Variants in MYBL1 observed in about 807,000 individuals in gnomAD.
MYBL1 encodes MYB proto-oncogene like 1.
Under a neutral mutation model 96.3 loss-of-function variants are expected in MYBL1, and 17 were observed. The observed-to-expected ratio is 0.18, with a 90% CI of 0.12 to 0.26. The LOEUF (loss-of-function observed/expected upper bound fraction) is 0.26. Ranked by LOEUF, MYBL1 falls within the 10% of genes least tolerant of loss-of-function variation. MYBL1 has a pLI of 1.00. For synonymous variants in MYBL1, 282 were observed against 292.7 expected, an observed-to-expected ratio of 0.96 and a Z score of 0.37; for missense variants, 701 against 882.9, an observed-to-expected ratio of 0.79 and a Z score of 2.61.
At chr8:66,594,886 C>G (rs1809790329) in intron 6 of MYBL1, among the ~76,000 whole-genome samples, 1 of 152,082 alleles carries the variant, frequency 6.6e-6, no homozygotes, top group South Asian at 2.1e-4. Flanking sequence ...CTACTAAGTC[C>G]TGACTTAATC....
intron 1 of MYBL1, 93 bp downstream of exon 1, chr8:66,612,726 G>T: frequency 7.8e-7 from 1 of 1,289,282 alleles, no homozygotes; most frequent in Non-Finnish European, 1.0e-6. Flanking sequence ...CCTCGCCAGG[G>T]AGGGCCTTAT....
rs1808417093 is a variant in MYBL1, at chr8:66,564,217, T to C, written c.*480A>G. The C allele has an allele frequency of 6.6e-6, 1 of 152,428 alleles. No homozygotes were observed. The highest frequency in any genetic ancestry group is 2.1e-4 in the South Asian group (1 of 4,824). 9.4% of individuals were successfully genotyped at this position (152,428 alleles called of 1,614,324 possible). A position where few individuals can be genotyped will look rare whatever the true frequency, so the allele number is the denominator to read the frequency against. ...AGTAGTGCAACTTTCTATCCTTCCT[T>C]TAAATTCCTTTTCAATGTGTTTCTT... On this transcript the variant is annotated 3_prime_UTR_variant, in exon 16 of 16. Transcript: ENST00000522677.
intron 15 of MYBL1, 174 bp from the exon 16 acceptor site, chr8:66,564,999 C>G: frequency 2.7e-6 from 1 of 375,258 alleles, no homozygotes. Context: ...AAAATATATA[C>G]TGAAATATTT....
intron 9 of MYBL1, 59 bp from the exon 10 acceptor site, chr8:66,576,434 G>C: frequency 6.7e-7 from 1 of 1,496,800 alleles, no homozygotes; most frequent in Non-Finnish European, 9.0e-7. Flanking sequence ...ATCTGCTCTT[G>C]AACACAGGAT....
intron 8 of MYBL1, among the ~76,000 whole-genome samples, chr8:66,582,958 A>G (rs1434534436): frequency 6.6e-6 from 1 of 152,196 alleles, no homozygotes; most frequent in Non-Finnish European, 1.5e-5. Context: ...AAATCAACAA[A>G]GAAACAAACA....
intron 1 of MYBL1, chr8:66,612,545 G>A: frequency 2.5e-6 from 1 of 393,962 alleles, no homozygotes; most frequent in Middle Eastern, 6.4e-4. Context: ...AGAAGTGGCA[G>A]CATGAGGTCA....
rs1586573045 is a variant in MYBL1, at chr8:66,584,162, A to G, written c.868-3796T>C. On this transcript the variant is annotated intron_variant, in intron 8 of 15. Coordinates refer to ENST00000522677, the MANE Select transcript of MYBL1 (RefSeq NM_001080416.4). Reference sequence around the variant, plus strand: ...ATTATCTCAATAGACATGAAAAATCATTTGATAAAATCAACATCCCTTCAC... The same window carrying G: ...ATTATCTCAATAGACATGAAAAATCGTTTGATAAAATCAACATCCCTTCAC... Among the ~76,000 whole-genome samples, 4 of 152,374 alleles carry G rather than the reference A, an allele frequency of 2.6e-5. No individual in the cohort carries two copies. The South Asian group carries it at 8.3e-4, about 32-fold the overall frequency.
chr8:66,594,335 C>A (rs1446207548), intron 6 of MYBL1, among the ~76,000 whole-genome samples: 4 of 152,032 alleles, frequency 2.6e-5, no homozygotes, highest in African/African-American at 9.7e-5. Flanking sequence ...GTATCTTTCC[C>A]AAACTTTTCA....
chr8:66,568,842 T>C (rs987295917), intron 12 of MYBL1, among the ~76,000 whole-genome samples: 7 of 151,322 alleles, frequency 4.6e-5, no homozygotes, highest in Admixed American at 3.3e-4. Flanking sequence ...CTGGCTAACA[T>C]GGTGAAACCC....
Position 66,595,825 on chromosome 8 carries a change from G to A in MYBL1, c.513-68C>T, listed in dbSNP as rs907320001. On this transcript the variant is annotated intron_variant, in intron 5 of 15. Transcript: ENST00000522677. ...ACAGATTTCAACACTGTGTTAACTT[G>A]TACAAAGTGCTTAAAACAAATTTTT... 2.8e-6 allele frequency: 3 copies of A among 1,063,714 alleles called. No homozygotes were observed. The African/African-American group carries it at 5.0e-5, about 18-fold the overall frequency. 65.9% of individuals were successfully genotyped at this position (1,063,714 alleles called of 1,614,324 possible).
At chr8:66,570,415 A>G (rs1808682802) in intron 12 of MYBL1, among the ~76,000 whole-genome samples, 1 of 151,540 alleles carries the variant, frequency 6.6e-6, no homozygotes, top group South Asian at 2.1e-4. Flanking sequence ...GCTCAAACAA[A>G]CCTCCTAGGA....
intron 1 of MYBL1, among the ~76,000 whole-genome samples, chr8:66,606,886 G>A (rs375224154): frequency 3.9e-5 from 6 of 152,008 alleles, no homozygotes; most frequent in African/African-American, 1.2e-4. Context: ...CACCTCCCTG[G>A]TTCAAGCAAT....
chr8:66,606,967 T>C (rs189134620), intron 1 of MYBL1, among the ~76,000 whole-genome samples: 1 of 152,190 alleles, frequency 6.6e-6, no homozygotes, highest in East Asian at 1.9e-4. Context: ...ATTTTTGAAT[T>C]TTTTTCGTAG....
At chr8:66,591,850 T>C (rs1809657885) in intron 8 of MYBL1, among the ~76,000 whole-genome samples, 1 of 152,098 alleles carries the variant, frequency 6.6e-6, no homozygotes, top group Non-Finnish European at 1.5e-5. Flanking sequence ...TATGTGTGTA[T>C]ATTTATATAT....
At chr8:66,592,971 C>T in intron 7 of MYBL1, 149 bp downstream of exon 7, 2 of 539,054 alleles carry the variant, frequency 3.7e-6, no homozygotes, top group Non-Finnish European at 6.6e-6. Flanking sequence ...CTCACTTACA[C>T]ACTTTCTTCT....
chr8:66,581,919 A>G (rs997244321), intron 8 of MYBL1, among the ~76,000 whole-genome samples: 1 of 152,224 alleles, frequency 6.6e-6, no homozygotes, highest in African/African-American at 2.4e-5. Context: ...GTGGGAATTC[A>G]TCACCACTAG....
chr8:66,566,014 CATTGACTAAACAAAAACAAAA>C, intron 15 of MYBL1, 29 bp downstream of exon 15: 9 of 1,246,406 alleles, frequency 7.2e-6, no homozygotes, highest in Non-Finnish European at 9.9e-6. Context: ...CCAAAGTGAT[CATTGACTAAACAAAAACAAAA>C]ATCACTAAAG....
chr8:66,607,456 A>G (rs542025273), intron 1 of MYBL1, among the ~76,000 whole-genome samples: 2 of 152,320 alleles, frequency 1.3e-5, no homozygotes, highest in East Asian at 3.9e-4. Flanking sequence ...GGACTAACTA[A>G]GCACAGTACC....
intron 3 of MYBL1, among the ~76,000 whole-genome samples, chr8:66,601,177 CAAAAA>C (rs1167336780): frequency 1.4e-4 from 2 of 13,900 alleles, no homozygotes; most frequent in Admixed American, 7.8e-4. Flanking sequence ...AACTCCGTCT[CAAAAA>C]AAAAAAAAAA....
Sources: allele counts gnomAD v4.1 joint callset (sites outside exome capture counted in the v4.1 genomes callset), GRCh38; gene constraint gnomAD v4.1.1; transcripts MANE v1.5; gene names NCBI Gene and HGNC (gene_info 2026-07-23, HGNC 2026-07-21).